ZC3H7A: variants seen among roughly 807,000 people sequenced by gnomAD.
ZC3H7A encodes the protein zinc finger CCCH domain-containing protein 7A.
ZC3H7A carries 44 observed loss-of-function variants against 125.5 expected under a neutral mutation model. That is an observed-to-expected ratio of 0.35 (90% CI 0.28 to 0.45). ZC3H7A has a LOEUF of 0.45. Among genes scored for constraint, ZC3H7A ranks in the 20% least tolerant of loss-of-function variants. The probability of loss-of-function intolerance (pLI) is 1.00; values close to 1 mark genes in which losing one functional copy is unlikely to be tolerated. For missense variants in ZC3H7A, 977 were observed against 1,170.7 expected, an observed-to-expected ratio of 0.83 and a Z score of 2.41; for synonymous variants, 399 against 391.2, an observed-to-expected ratio of 1.02 and a Z score of -0.23.
chr16:11,776,582 G>A (rs373904911), intron 5 of ZC3H7A, 50 bp from the exon 6 acceptor site: 7 of 1,539,946 alleles, frequency 4.5e-6, no homozygotes, highest in Non-Finnish European at 6.2e-6. Flanking sequence ...TACTAATGGT[G>A]AAGAAGAATA....
At chr16:11,771,154 A>G (rs9936089) in intron 9 of ZC3H7A, among the ~76,000 whole-genome samples, 167 bp from the exon 10 acceptor site, 7,232 of 152,260 alleles carry the variant, frequency 0.047, 599 homozygotes, top group African/African-American at 0.17. Flanking sequence ...TTGGGAGGCT[A>G]CGGCAGGCGG....
At position 11,774,418 on chromosome 16, in the gene ZC3H7A, G is replaced by T. The variant is rs775205398; in HGVS notation, c.721C>A (p.Pro241Thr). 2.5e-6 allele frequency: 4 copies of T among 1,612,444 alleles called. No homozygotes were observed. Among genetic ancestry groups the T allele is most frequent in the East Asian group, 2.2e-5 (1 of 44,826 alleles). Residue 241 changes from proline (P) to threonine (T), a missense_variant, in exon 9 of 23, where the codon CCC becomes ACC. Around this residue, in one of 3 missense-constraint regions of ZC3H7A, gnomAD observed 342 missense variants for 311.3 expected, o/e 1.10. Coordinates refer to ENST00000355758, the MANE Select transcript of ZC3H7A (RefSeq NM_014153.4). Reference sequence around the variant, plus strand: ...TGTAGTGGCAAAATAGAAGTTAAGGGCATAACAGGAACTGAGGCCAGCTCA... The same window carrying T: ...TGTAGTGGCAAAATAGAAGTTAAGGTCATAACAGGAACTGAGGCCAGCTCA... ...GSELASVPVM[P>T]LTSILPLQVE...
intron 21 of ZC3H7A, among the ~76,000 whole-genome samples, chr16:11,755,103 A>T (rs959755742): frequency 6.7e-6 from 1 of 149,262 alleles, no homozygotes; most frequent in African/African-American, 2.5e-5. Flanking sequence ...CTTGCTATTT[A>T]GAAGGCTGAG....
chr16:11,781,536 T>C, intron 2 of ZC3H7A, 72 bp from the exon 3 acceptor site: 3 of 1,523,828 alleles, frequency 2.0e-6, no homozygotes, highest in Middle Eastern at 1.7e-4. Flanking sequence ...GAAGTCATCT[T>C]AAATCTGTGG....
chr16:11,756,551 A>C (rs551434672), intron 20 of ZC3H7A, among the ~76,000 whole-genome samples, 181 bp from the exon 21 acceptor site: 1 of 152,250 alleles, frequency 6.6e-6, no homozygotes, highest in African/African-American at 2.4e-5. Flanking sequence ...ACTCTCACGC[A>C]TAAGAACTAC....
Position 11,781,457 on chromosome 16 carries a change from G to A in ZC3H7A, c.76C>T (p.Leu26=). ...TGCTCCTGTGTTCCTGGATATGACA[G>A]CGGTGACCTAAGAAGAAGAAACAAA... is the stretch of plus-strand genomic sequence containing the variant. The part of the protein sequence containing the change: ...KEGLQFIQSP[L]SYPGTQEQYA... The change falls in exon 3 of 23, where the codon CTG becomes TTG. Residue 26 remains leucine (L), a synonymous_variant. Coordinates refer to ENST00000355758, the MANE Select transcript of ZC3H7A (RefSeq NM_014153.4). 2 of 1,605,502 alleles carry A rather than the reference G, an allele frequency of 1.2e-6. No homozygotes were observed. Among genetic ancestry groups the A allele is most frequent in the Non-Finnish European group, 1.7e-6 (2 of 1,174,052 alleles).
intron 2 of ZC3H7A, among the ~76,000 whole-genome samples, 187 bp from the exon 3 acceptor site, chr16:11,781,651 C>CATAT (rs3972315): frequency 0.015 from 2,202 of 144,974 alleles, 33 homozygotes; most frequent in African/African-American, 0.038. Flanking sequence ...AATACATATA[C>CATAT]ATATATATAT....
chr16:11,759,599 A>T (rs2052707626), intron 19 of ZC3H7A: 1 of 152,230 alleles, frequency 6.6e-6, no homozygotes, highest in Non-Finnish European at 1.5e-5. Context: ...AAGCTCAATG[A>T]TAAGGAGCAG....
At chr16:11,773,286 C>T (rs2053019378) in intron 9 of ZC3H7A, among the ~76,000 whole-genome samples, 1 of 151,888 alleles carries the variant, frequency 6.6e-6, no homozygotes, top group Non-Finnish European at 1.5e-5. Context: ...CGCAAGTGAT[C>T]CTCTACCCTC....
intron 4 of ZC3H7A, among the ~76,000 whole-genome samples, 173 bp downstream of exon 4, chr16:11,778,993 T>A (rs1341824666): frequency 1.3e-5 from 2 of 152,210 alleles, no homozygotes; most frequent in African/African-American, 4.8e-5. Context: ...ATTACAGGCG[T>A]GAGCCACCGT....
intron 20 of ZC3H7A, 92 bp from the exon 21 acceptor site, chr16:11,756,462 G>C: frequency 6.7e-7 from 1 of 1,500,986 alleles, no homozygotes. Context: ...TCAGCATACA[G>C]TTCAAAAGAA....
At chr16:11,782,806 G>A in intron 1 of ZC3H7A, 1 of 158,172 alleles carries the variant, frequency 6.3e-6, no homozygotes, top group South Asian at 1.7e-4. Context: ...GGAGAGACAG[G>A]GTTTCACCTT....
intron 4 of ZC3H7A, 29 bp downstream of exon 4, chr16:11,779,137 G>C: frequency 6.5e-7 from 1 of 1,539,704 alleles, no homozygotes; most frequent in Non-Finnish European, 8.9e-7. Flanking sequence ...TTTCACTCTA[G>C]AAACATCATT....
rs774391894 is a variant in ZC3H7A, at chr16:11,762,781, T to G, written c.2003-34A>C. On this transcript the variant is annotated intron_variant, in intron 16 of 22. Transcript: ENST00000355758. Reference sequence around the variant, plus strand: ...TGTACAAGCCTTCCTTTAAATTATATCTATAAGAACAACAGCCCACCAATC... The same window carrying G: ...TGTACAAGCCTTCCTTTAAATTATAGCTATAAGAACAACAGCCCACCAATC... 6 of 1,607,756 alleles carry G rather than the reference T, an allele frequency of 3.7e-6. No homozygotes were observed. In the South Asian group the frequency reaches 6.6e-5, roughly 18 times the overall value.
intron 3 of ZC3H7A, among the ~76,000 whole-genome samples, chr16:11,779,872 TATTTA>T (rs998761082): frequency 2.0e-5 from 2 of 100,564 alleles, no homozygotes; most frequent in African/African-American, 1.3e-4. Flanking sequence ...GTTTTGTGTT[TATTTA>T]TTTTTTTTAA....
intron 13 of ZC3H7A, among the ~76,000 whole-genome samples, chr16:11,766,832 G>A (rs544475660): frequency 1.1e-4 from 16 of 152,252 alleles, no homozygotes; most frequent in African/African-American, 3.6e-4. Flanking sequence ...GCAGTGAGCC[G>A]AGATTGCGCC....
intron 20 of ZC3H7A, 77 bp downstream of exon 20, chr16:11,758,354 G>A: frequency 9.5e-7 from 1 of 1,055,752 alleles, no homozygotes; most frequent in Non-Finnish European, 1.5e-6. Flanking sequence ...GTGTTCACAG[G>A]AAGCTGGCAT....
intron 13 of ZC3H7A, among the ~76,000 whole-genome samples, chr16:11,766,425 CA>C (rs2052858769): frequency 6.6e-6 from 1 of 152,240 alleles, no homozygotes; most frequent in East Asian, 1.9e-4. Context: ...ATCAGTGAGG[CA>C]GGGCGGCACA....
chr16:11,754,630 G>A (rs1009852508), intron 21 of ZC3H7A, among the ~76,000 whole-genome samples: 48 of 152,094 alleles, frequency 3.2e-4, no homozygotes, highest in East Asian at 7.7e-4. Flanking sequence ...GGTGGCTCAC[G>A]CCTGTAATCC....
Sources: gnomAD v4.1 joint callset for allele counts (sites outside exome capture counted in the v4.1 genomes callset) on GRCh38, gnomAD v4.1.1 for gene constraint, gnomAD v4.1.1 regional missense constraint, MANE v1.5 for transcripts, NCBI Gene and HGNC (gene_info 2026-07-23, HGNC 2026-07-21) for gene names.